PCLO: variants seen among roughly 807,000 people sequenced by gnomAD.
PCLO encodes piccolo presynaptic cytomatrix protein, also known as protein piccolo.
PCLO carries 82 observed loss-of-function variants against 427.5 expected under a neutral mutation model. The observed-to-expected ratio is 0.19, with a 90% confidence interval of 0.16 to 0.23. The LOEUF (loss-of-function observed/expected upper bound fraction) is 0.23, where lower values mean the gene tolerates loss of function less well. Ranked by LOEUF, PCLO falls within the 10% of genes least tolerant of loss-of-function variation. PCLO has a pLI of 1.00. For missense variants in PCLO, 6,239 were observed against 6,115.9 expected, an observed-to-expected ratio of 1.02 and a Z score of -0.67; for synonymous variants, 2,357 against 2,155.4, an observed-to-expected ratio of 1.09 and a Z score of -2.59.
chr7:82,836,969 T>A (rs1179491135), intron 15 of PCLO, among the ~76,000 whole-genome samples: 1 of 152,184 alleles, frequency 6.6e-6, no homozygotes, highest in Non-Finnish European at 1.5e-5. Context: ...GCTCCATGTG[T>A]ACTTGAAGGG....
intron 10 of PCLO, among the ~76,000 whole-genome samples, chr7:82,869,542 A>T (rs1793178371): frequency 6.6e-6 from 1 of 152,112 alleles, no homozygotes; most frequent in Admixed American, 6.6e-5. Context: ...GAGCATCCTG[A>T]CAAACGGCTC....
intron 22 of PCLO, among the ~76,000 whole-genome samples, chr7:82,762,387 C>T (rs915253339): frequency 2.0e-5 from 3 of 151,910 alleles, no homozygotes; most frequent in Non-Finnish European, 4.4e-5. Context: ...GTGATAGTAA[C>T]ATATTGTAAA....
At chr7:82,908,602 T>C (rs942268321) in intron 8 of PCLO, among the ~76,000 whole-genome samples, 3 of 152,108 alleles carry the variant, frequency 2.0e-5, no homozygotes, top group African/African-American at 4.8e-5. Context: ...TCTATTCTTC[T>C]TGTATAGCTG....
At position 83,155,906 on chromosome 7, in the gene PCLO, T is replaced by C; in HGVS notation, c.735A>G (p.Glu245=). 6.2e-7 allele frequency: 1 copy of C among 1,613,942 alleles called. No individual in the cohort carries two copies. The highest frequency in any genetic ancestry group is 1.3e-5 in the African/African-American group (1 of 75,014). ...TACCTGGAGGTTGTGATTTAATTTT[T>C]TCTGGTTGTTGAGAAGATATTGATT... ...TPKSISSQQP[E]KIKSQPPGTG... The change falls in exon 2 of 25, where the codon GAA becomes GAG. Residue 245 remains glutamate (E), a synonymous_variant. Coordinates refer to ENST00000333891, the MANE Select transcript of PCLO (RefSeq NM_033026.6).
chr7:82,846,770 CTACCA>C, intron 11 of PCLO, 136 bp from the exon 12 acceptor site: 1 of 606,050 alleles, frequency 1.7e-6, no homozygotes, highest in South Asian at 2.1e-5. Flanking sequence ...CAAAGCATGC[CTACCA>C]TCCTAACCCA....
At position 82,964,816 on chromosome 7, in the gene PCLO, T is replaced by G. The variant is rs2040916; in HGVS notation, c.4017+955A>C. The stretch of plus-strand genomic sequence containing the variant: ...TAATGAAAGGAGACCAGGATTTACT[T>G]AGACAATGTGTGATGCATCAGATAG... On this transcript the variant is annotated intron_variant, in intron 4 of 24. Transcript: ENST00000333891. Among the ~76,000 whole-genome samples the G allele has an allele frequency of 9.1e-3, 1,392 of 152,268 alleles. 19 individuals are homozygous for G. Among genetic ancestry groups the G allele is most frequent in the African/African-American group, 0.032 (1,328 of 41,566 alleles).
At position 82,949,524 on chromosome 7, in the gene PCLO, T is replaced by C. The variant is rs1297457090; in HGVS notation, c.11064A>G (p.Thr3688=). The change falls in exon 6 of 25, where the codon ACA becomes ACG. Residue 3688 remains threonine (T), a synonymous_variant. Transcript: ENST00000333891. The part of the protein sequence containing the change: ...SMSDPKPLSP[T]ADESSRAPFQ... ...AAGGAGCCCTGGAACTTTCGTCTGCTGTTGGACTCAGAGGCTTGGGGTCAG... is the reference window on the plus strand; with the variant it reads ...AAGGAGCCCTGGAACTTTCGTCTGCCGTTGGACTCAGAGGCTTGGGGTCAG... 1 of 1,613,018 alleles carries C rather than the reference T, an allele frequency of 6.2e-7. No homozygotes were observed. The highest frequency in any genetic ancestry group is 2.2e-5 in the East Asian group (1 of 44,874).
chr7:83,075,643 T>C (rs1789933028), intron 3 of PCLO, among the ~76,000 whole-genome samples: 1 of 152,110 alleles, frequency 6.6e-6, no homozygotes, highest in Admixed American at 6.5e-5. Context: ...TTTTAAACCC[T>C]ACACATCAAA....
intron 10 of PCLO, among the ~76,000 whole-genome samples, chr7:82,875,571 C>T (rs1027548818): frequency 3.3e-5 from 5 of 152,134 alleles, no homozygotes; most frequent in African/African-American, 1.2e-4. Context: ...TAAATGAATG[C>T]ATCAAGACAA....
At chr7:82,766,480 G>C (rs1363219972) in intron 22 of PCLO, among the ~76,000 whole-genome samples, 1 of 152,012 alleles carries the variant, frequency 6.6e-6, no homozygotes, top group Non-Finnish European at 1.5e-5. Flanking sequence ...AAAGTAGATA[G>C]CTACTCCTCA....
chr7:82,798,078 C>A (rs771202795), intron 22 of PCLO, among the ~76,000 whole-genome samples: 3 of 152,004 alleles, frequency 2.0e-5, no homozygotes, highest in Non-Finnish European at 2.9e-5. Flanking sequence ...TGTGAACAAA[C>A]CGTCTAAAAG....
Position 82,952,096 on chromosome 7 carries a change from A to T in PCLO, c.8857T>A (p.Cys2953Ser). 1 of 1,613,946 alleles carries T rather than the reference A, an allele frequency of 6.2e-7. No individual in the cohort carries two copies. The highest frequency in any genetic ancestry group is 8.5e-7 in the Non-Finnish European group (1 of 1,179,858). The change falls in exon 5 of 25, where the codon TGC becomes AGC. Residue 2953 changes from cysteine to serine, a missense_variant. Transcript: ENST00000333891. ...GTAGTTGCAGGCTGCTGTGCTGTGC[A>T]GCTCCTTCCAAATGGTAATTTATAA... ...VVYKLPFGRSCTAQQPATTLP... is the reference protein window; with the variant it reads ...VVYKLPFGRSSTAQQPATTLP...
intron 2 of PCLO, among the ~76,000 whole-genome samples, chr7:83,145,382 T>C (rs562059176): frequency 5.3e-5 from 8 of 152,310 alleles, no homozygotes; most frequent in Non-Finnish European, 8.8e-5. Context: ...CGTTAATTTC[T>C]TTTTAACTTT....
intron 9 of PCLO, among the ~76,000 whole-genome samples, chr7:82,887,662 TA>T (rs922093555): frequency 1.3e-5 from 2 of 152,136 alleles, no homozygotes; most frequent in African/African-American, 4.8e-5. Flanking sequence ...ACCCTGAGAA[TA>T]AAAACTTCCT....
At chr7:83,049,725 T>C (rs1176595962) in intron 3 of PCLO, among the ~76,000 whole-genome samples, 4 of 152,088 alleles carry the variant, frequency 2.6e-5, no homozygotes, top group Admixed American at 1.3e-4. Flanking sequence ...TATTATCTCC[T>C]TGCTTTAAAC....
At chr7:82,876,491 C>T (rs1481975869) in intron 10 of PCLO, among the ~76,000 whole-genome samples, 2 of 148,768 alleles carry the variant, frequency 1.3e-5, no homozygotes, top group South Asian at 2.1e-4. Flanking sequence ...CACACACATA[C>T]ACCACACACA....
At position 82,797,864 on chromosome 7, in the gene PCLO, A is replaced by T. The variant is rs570965199; in HGVS notation, c.15007+3654T>A. ...ACAACTTCTGTGAATAAGGTAAAAC[A>T]TTATTAGAGAAAATGACTAAGTGGA... On this transcript the variant is annotated intron_variant, in intron 22 of 24. Coordinates refer to ENST00000333891, the MANE Select transcript of PCLO (RefSeq NM_033026.6). Among the ~76,000 whole-genome samples the T allele has an allele frequency of 1.3e-3, 194 of 152,294 alleles. 1 individual carries two copies. Among genetic ancestry groups the T allele is most frequent in the Middle Eastern group, 3.4e-3 (1 of 294 alleles).
chr7:82,820,775 C>G (rs746161341), intron 20 of PCLO: 231 of 1,231,376 alleles, frequency 1.9e-4, no homozygotes, highest in Non-Finnish European at 2.3e-4. Flanking sequence ...GCAATTTAAA[C>G]TTTTATCACA....
Position 82,953,903 on chromosome 7 carries a change from A to G in PCLO, c.7050T>C (p.Leu2350=). 1.2e-6 allele frequency: 2 copies of G among 1,613,896 alleles called. No homozygotes were observed. The highest frequency in any genetic ancestry group is 1.7e-6 in the Non-Finnish European group (2 of 1,179,824). The change falls in exon 5 of 25, where the codon CTT becomes CTC. Residue 2350 remains leucine (L), a synonymous_variant. Coordinates refer to ENST00000333891, the MANE Select transcript of PCLO (RefSeq NM_033026.6). ...TAGTTGAAAGCTGCTCTTTCATTGG[A>G]AGGGCTATTACAGAAGAAGGTGGGT... ...FDHPPSSVIA[L]PMKEQLSTTY...
Sources: gnomAD v4.1 joint callset for allele counts (sites outside exome capture counted in the v4.1 genomes callset) on GRCh38, gnomAD v4.1.1 for gene constraint, MANE v1.5 for transcripts, NCBI Gene and HGNC (gene_info 2026-07-23, HGNC 2026-07-21) for gene names.